Variants in ABCC4 observed in about 807,000 individuals in gnomAD.
ABCC4 encodes ATP binding cassette subfamily C member 4 (PEL blood group).
A neutral mutation model predicts 168.5 loss-of-function variants in ABCC4; 102 were observed. The observed-to-expected ratio is 0.61, with a 90% CI of 0.52 to 0.71. The LOEUF is 0.71. Ranked by LOEUF, ABCC4 falls within the 30% of genes least tolerant of loss-of-function variation. ABCC4 has a pLI of 0.00. For missense variants in ABCC4, 1,402 were observed against 1,605.8 expected (o/e 0.87, Z 2.17); for synonymous variants, 617 against 590.7 (o/e 1.04, Z -0.65).
intron 11 of ABCC4, among the ~76,000 whole-genome samples, chr13:95,183,034 T>C (rs918713368): frequency 6.6e-6 from 1 of 151,868 alleles, no homozygotes; most frequent in Non-Finnish European, 1.5e-5. Context: ...GCTATCAACA[T>C]ATCTGAGAAA....
intron 30 of ABCC4, among the ~76,000 whole-genome samples, chr13:95,029,209 TATATAGAGAG>T (rs1460461049): frequency 2.0e-5 from 1 of 49,442 alleles, no homozygotes; most frequent in African/African-American, 7.7e-5. Flanking sequence ...TATATATATA[TATATAGAGAG>T]AGAGAGAGAG....
intron 29 of ABCC4, among the ~76,000 whole-genome samples, chr13:95,042,255 C>A (rs1447587806): frequency 6.6e-6 from 1 of 152,212 alleles, no homozygotes; most frequent in East Asian, 1.9e-4. Context: ...GGACTGACTA[C>A]CCCTGTCTTC....
At chr13:95,115,582 C>A (rs751753747) in intron 20 of ABCC4, among the ~76,000 whole-genome samples, 1 of 151,236 alleles carries the variant, frequency 6.6e-6, no homozygotes, top group Non-Finnish European at 1.5e-5. Flanking sequence ...GCTATCTTTC[C>A]GTGAGAGGTG....
chr13:95,175,710 C>G (rs2037655089), intron 13 of ABCC4, among the ~76,000 whole-genome samples: 1 of 152,178 alleles, frequency 6.6e-6, no homozygotes. Context: ...GATTTGGATA[C>G]AGAGACACAA....
intron 25 of ABCC4, among the ~76,000 whole-genome samples, chr13:95,070,812 G>C (rs1313933020): frequency 6.6e-6 from 1 of 152,142 alleles, no homozygotes; most frequent in African/African-American, 2.4e-5. Context: ...TGATCAAACT[G>C]TTTCAGAAAG....
At chr13:95,032,671 T>C (rs1354099330) in intron 30 of ABCC4, among the ~76,000 whole-genome samples, 1 of 41,062 alleles carries the variant, frequency 2.4e-5, no homozygotes, top group African/African-American at 2.7e-4. Flanking sequence ...TTCTTTTTTC[T>C]TTTTTTTTTT....
chr13:95,286,185 T>C (rs2041252918), intron 1 of ABCC4, among the ~76,000 whole-genome samples: 2 of 137,440 alleles, frequency 1.5e-5, no homozygotes, highest in Admixed American at 1.8e-4. Context: ...AGTGGCACAA[T>C]TTCGGCTCAC....
At chr13:95,150,153 A>G (rs1008356305) in intron 19 of ABCC4, among the ~76,000 whole-genome samples, 3 of 151,894 alleles carry the variant, frequency 2.0e-5, no homozygotes, top group African/African-American at 7.3e-5. Flanking sequence ...TTTTTTAGAG[A>G]TGGGGTCTTG....
At chr13:95,184,248 T>C (rs1230952441) in intron 11 of ABCC4, among the ~76,000 whole-genome samples, 1 of 152,120 alleles carries the variant, frequency 6.6e-6, no homozygotes, top group Non-Finnish European at 1.5e-5. Context: ...CCCCAGAGAC[T>C]TTCTGATGTG....
chr13:95,099,714 G>A (rs952353231), intron 20 of ABCC4, among the ~76,000 whole-genome samples: 6 of 152,132 alleles, frequency 3.9e-5, no homozygotes, highest in South Asian at 2.1e-4. Flanking sequence ...TGTTTGATAC[G>A]TGTCCCATAG....
At chr13:95,160,679 C>T (rs2037068827) in intron 19 of ABCC4, among the ~76,000 whole-genome samples, 1 of 152,120 alleles carries the variant, frequency 6.6e-6, no homozygotes, top group Non-Finnish European at 1.5e-5. Context: ...TTCAGGGAAA[C>T]CTCACAGTCA....
At chr13:95,271,476 G>C (rs549710151) in intron 1 of ABCC4, among the ~76,000 whole-genome samples, 1 of 152,214 alleles carries the variant, frequency 6.6e-6, no homozygotes, top group African/African-American at 2.4e-5. Context: ...CCTACACAGA[G>C]GTTGTTTATT....
chr13:95,135,416 C>A (rs1045516061), intron 19 of ABCC4, among the ~76,000 whole-genome samples: 6 of 138,906 alleles, frequency 4.3e-5, no homozygotes, highest in Non-Finnish European at 9.4e-5. Context: ...GTCCATAATT[C>A]TTTTTTTTTT....
chr13:95,103,612 A>C (rs1452183029), intron 20 of ABCC4, among the ~76,000 whole-genome samples: 2 of 152,192 alleles, frequency 1.3e-5, no homozygotes, highest in African/African-American at 4.8e-5. Flanking sequence ...CCCCCTATTC[A>C]GAAGCAAGGG....
intron 19 of ABCC4, among the ~76,000 whole-genome samples, chr13:95,129,536 T>C (rs548150315): frequency 9.8e-4 from 149 of 152,344 alleles, no homozygotes; most frequent in Non-Finnish European, 1.7e-3. Flanking sequence ...GATATTCAAT[T>C]TGCCAATATT....
chr13:95,218,933 G>GAA (rs1180150461), intron 4 of ABCC4, among the ~76,000 whole-genome samples: 25 of 19,358 alleles, frequency 1.3e-3, no homozygotes, highest in Middle Eastern at 0.016. Flanking sequence ...GAAAGAGAAA[G>GAA]AAAGAAAGAA....
In ABCC4 at chr13:95,054,021, C is replaced by CTTTTTTTTTTTT. The variant is rs55980425; in HGVS notation, c.3367-849_3367-838dup. On this transcript the variant is annotated intron_variant, in intron 26 of 30. Coordinates refer to ENST00000645237, the MANE Select transcript of ABCC4 (RefSeq NM_005845.5). ...CTCTCCAATGTCAGAATGGGACATC[C>CTTTTTTTTTTTT]TTTTTTTTTTTTTTTTTTTTTTTTT... 5.7e-4 allele frequency: 41 copies of CTTTTTTTTTTTT among 71,632 alleles called. 3 individuals are homozygous for CTTTTTTTTTTTT. Among genetic ancestry groups the CTTTTTTTTTTTT allele is most frequent in the African/African-American group, 2.7e-3 (37 of 13,774 alleles). The allele number at this position is 71,632 out of a possible 1,614,324, so 4.4% of individuals were successfully genotyped here.
intron 13 of ABCC4, among the ~76,000 whole-genome samples, chr13:95,173,362 A>C (rs766344231): frequency 5.6e-4 from 85 of 152,254 alleles, no homozygotes; most frequent in Non-Finnish European, 1.3e-4. Context: ...AGGTGGATCA[A>C]GAGCAGCTCA....
chr13:95,118,297 G>A (rs1429119765), intron 19 of ABCC4, among the ~76,000 whole-genome samples: 1 of 151,628 alleles, frequency 6.6e-6, no homozygotes. Flanking sequence ...CTGTTGCCCA[G>A]GCTGGAGGAG....
Sources: allele counts gnomAD v4.1 joint callset (sites outside exome capture counted in the v4.1 genomes callset), GRCh38; gene constraint gnomAD v4.1.1; transcripts MANE v1.5; gene names NCBI Gene and HGNC (gene_info 2026-07-23, HGNC 2026-07-21).